GPHN: variants seen among roughly 807,000 people sequenced by gnomAD.
GPHN encodes gephyrin.
GPHN carries 17 observed loss-of-function variants against 95.5 expected under a neutral mutation model. That is an observed-to-expected ratio of 0.18 (90% CI 0.12 to 0.27). GPHN has a LOEUF of 0.27. Ranked by LOEUF, GPHN falls within the 10% of genes least tolerant of loss-of-function variation. The pLI is 1.00. For missense variants in GPHN, 660 were observed against 978.1 expected, an observed-to-expected ratio of 0.67 and a Z score of 4.34; for synonymous variants, 320 against 322.5, an observed-to-expected ratio of 0.99 and a Z score of 0.08.
chr14:67,492,721 A>G, the GPHN span, among the ~76,000 whole-genome samples: 5 of 152,240 alleles, frequency 3.3e-5, no homozygotes, highest in African/African-American at 1.2e-4. Context: ...AGAGATTTCT[A>G]AACAACAAGG....
intron 21 of GPHN, among the ~76,000 whole-genome samples, chr14:67,170,237 A>G (rs1231390471): frequency 3.9e-5 from 6 of 152,164 alleles, no homozygotes; most frequent in Non-Finnish European, 8.8e-5. Flanking sequence ...CTTTTCTTAA[A>G]ATTTCATGAA....
At chr14:67,340,392 G>A in the GPHN span, 4 of 1,509,118 alleles carry the variant, frequency 2.7e-6, no homozygotes, top group Non-Finnish European at 3.7e-6. Flanking sequence ...TACAGCCTTT[G>A]GAATATGGAA....
At chr14:67,532,372 T>C in the GPHN span, among the ~76,000 whole-genome samples, 1 of 152,202 alleles carries the variant, frequency 6.6e-6, no homozygotes, top group Non-Finnish European at 1.5e-5. Context: ...AGGCTCTGTT[T>C]TGAAGTGTGG....
intron 1 of GPHN, among the ~76,000 whole-genome samples, chr14:66,595,734 G>A (rs1046964564): frequency 1.3e-5 from 2 of 152,190 alleles, no homozygotes; most frequent in African/African-American, 4.8e-5. Flanking sequence ...GGGTGTCACA[G>A]CTCTGGCTTG....
intron 9 of GPHN, among the ~76,000 whole-genome samples, chr14:66,967,705 A>T (rs2069439942): frequency 6.6e-6 from 1 of 151,832 alleles, no homozygotes; most frequent in Admixed American, 6.6e-5. Context: ...TAATAACTTT[A>T]ATAATTATAA....
Position 66,753,484 on chromosome 14 carries a change from T to A in GPHN, c.144-22980T>A, listed in dbSNP as rs538185887. ...TGAGTTTTAGGGTGGCAGTCATAGC[T>A]AACTGATATAAAGTTTCTATTCTGC... On this transcript the variant is annotated intron_variant, in intron 2 of 22. Transcript: ENST00000478722. Among the ~76,000 whole-genome samples, 31 of 150,206 alleles carry A rather than the reference T, an allele frequency of 2.1e-4. No homozygotes were observed. The South Asian group carries it at 6.5e-3, about 32-fold the overall frequency.
chr14:67,692,333 A>G, the GPHN span: 1 of 1,263,138 alleles, frequency 7.9e-7, no homozygotes, highest in African/African-American at 1.5e-5. Flanking sequence ...TTTTGGCTAT[A>G]TTTTATCCAC....
chr14:66,782,459 G>A lies in GPHN; in HGVS notation c.201+5938G>A, dbSNP rs186184234. On this transcript the variant is annotated intron_variant, in intron 3 of 22. Transcript: ENST00000478722. ...TGAGGAGACTTCCAGCCAAGATGGAGTAGCTTTATTCCTTCCAGATCCTTC... is the reference window on the plus strand; with the variant it reads ...TGAGGAGACTTCCAGCCAAGATGGAATAGCTTTATTCCTTCCAGATCCTTC... 5.9e-5 allele frequency among the ~76,000 whole-genome samples: 9 copies of A among 152,268 alleles called. No individual in the cohort carries two copies. In the South Asian group the frequency reaches 1.0e-3, roughly 18 times the overall value.
Position 66,989,696 on chromosome 14 carries a change from C to A in GPHN, c.963+24371C>A, listed in dbSNP as rs576667455. Among the ~76,000 whole-genome samples, 14 of 150,368 alleles carry A rather than the reference C, an allele frequency of 9.3e-5. No homozygotes were observed. In the East Asian group the frequency reaches 2.1e-3, roughly 23 times the overall value. ...AAACCTATCCAAAGGCAAGTAGTAT[C>A]TTCTCTAGAGAGTTCAGCTAAGGAA... On this transcript the variant is annotated intron_variant, in intron 9 of 22. Coordinates refer to ENST00000478722, the MANE Select transcript of GPHN (RefSeq NM_020806.5).
At chr14:67,565,211 G>T in the GPHN span, among the ~76,000 whole-genome samples, 6 of 151,968 alleles carry the variant, frequency 3.9e-5, no homozygotes, top group Non-Finnish European at 7.4e-5. Context: ...CTTGCCCAAG[G>T]TCATGTAGTA....
intron 8 of GPHN, among the ~76,000 whole-genome samples, chr14:66,960,700 C>T (rs1222067626): frequency 1.3e-5 from 2 of 152,076 alleles, no homozygotes; most frequent in Admixed American, 6.6e-5. Flanking sequence ...ATTTACAGCT[C>T]TTCATTAGTT....
chr14:66,569,946 C>A (rs748504700), intron 1 of GPHN, among the ~76,000 whole-genome samples: 1 of 152,144 alleles, frequency 6.6e-6, no homozygotes, highest in Non-Finnish European at 1.5e-5. Context: ...TCCTCAATCT[C>A]ATCCTCCATC....
chr14:66,982,876 T>C (rs1445915831), intron 9 of GPHN, among the ~76,000 whole-genome samples: 4 of 152,214 alleles, frequency 2.6e-5, no homozygotes, highest in Admixed American at 1.3e-4. Flanking sequence ...AAGCTCTTAT[T>C]ATTAAGAATA....
At chr14:66,862,697 C>G (rs989105516) in intron 4 of GPHN, among the ~76,000 whole-genome samples, 1 of 151,906 alleles carries the variant, frequency 6.6e-6, no homozygotes, top group Non-Finnish European at 1.5e-5. Context: ...CATCATACAT[C>G]CTATCAACAG....
chr14:66,800,153 T>G (rs1479641146), intron 3 of GPHN, among the ~76,000 whole-genome samples: 1 of 152,138 alleles, frequency 6.6e-6, no homozygotes, highest in Non-Finnish European at 1.5e-5. Context: ...TATATCTTAA[T>G]GTACGGACTA....
chr14:66,525,170 T>A (rs10149642), intron 1 of GPHN, among the ~76,000 whole-genome samples: 22,714 of 152,162 alleles, frequency 0.15, 3,217 homozygotes, highest in East Asian at 0.44. Context: ...GTTTCCTGAC[T>A]TTTTAATGAT....
the GPHN span, among the ~76,000 whole-genome samples, chr14:67,559,217 A>G: frequency 6.6e-6 from 1 of 152,166 alleles, no homozygotes; most frequent in Non-Finnish European, 1.5e-5. Flanking sequence ...TTTTAACTAT[A>G]AAGGTAACAC....
intron 8 of GPHN, among the ~76,000 whole-genome samples, chr14:66,935,008 G>A (rs1310034907): frequency 3.9e-5 from 6 of 152,126 alleles, no homozygotes; most frequent in African/African-American, 1.2e-4. Context: ...TGATTCAAGA[G>A]GATAGAGGGT....
intron 11 of GPHN, among the ~76,000 whole-genome samples, chr14:67,060,099 T>C (rs907152992): frequency 6.6e-6 from 1 of 151,700 alleles, no homozygotes; most frequent in Non-Finnish European, 1.5e-5. Flanking sequence ...AAACCATCCC[T>C]GGTTTTTTCT....
Sources: allele counts gnomAD v4.1 joint callset (sites outside exome capture counted in the v4.1 genomes callset), GRCh38; gene constraint gnomAD v4.1.1; transcripts MANE v1.5; gene names NCBI Gene and HGNC (gene_info 2026-07-23, HGNC 2026-07-21).